AKAP1: variants seen among roughly 807,000 people sequenced by gnomAD.
AKAP1 encodes A-kinase anchoring protein 1.
A neutral mutation model predicts 79.8 loss-of-function variants in AKAP1; 32 were observed. That is an observed-to-expected ratio of 0.40 (90% CI 0.30 to 0.54). AKAP1 has a LOEUF of 0.54. Ranked by LOEUF, AKAP1 falls within the 20% of genes least tolerant of loss-of-function variation. AKAP1 has a pLI of 0.47. For synonymous variants in AKAP1, 416 were observed against 466.7 expected, an observed-to-expected ratio of 0.89 and a Z score of 1.40; for missense variants, 961 against 1,138.9, an observed-to-expected ratio of 0.84 and a Z score of 2.25.
chr17:57,113,071 T>G (rs1286002656), intron 5 of AKAP1, among the ~76,000 whole-genome samples: 4 of 152,188 alleles, frequency 2.6e-5, no homozygotes, highest in African/African-American at 9.7e-5. Context: ...CTCCTTCCCC[T>G]TCCCCTCCCC....
rs560281302 is a variant in AKAP1, at chr17:57,115,641, C to T, written c.2282-470C>T. Among the ~76,000 whole-genome samples the T allele has an allele frequency of 5.4e-4, 82 of 152,306 alleles. 1 individual carries two copies. Among genetic ancestry groups the T allele is most frequent in the African/African-American group, 1.9e-3 (80 of 41,568 alleles). ...AAGAAGGGGGTTTAGGCCCAGGAGG[C>T]CCCTTCTGGTCAAGCTCTCCAGCTG... On this transcript the variant is annotated intron_variant, in intron 6 of 10. Coordinates refer to ENST00000337714, the MANE Select transcript of AKAP1 (RefSeq NM_003488.4).
In AKAP1 at chr17:57,105,988, C is replaced by T. The variant is rs1158570769; in HGVS notation, c.524C>T (p.Pro175Leu). The T allele has an allele frequency of 3.7e-6, 6 of 1,613,986 alleles. No individual in the cohort carries two copies. Among genetic ancestry groups the T allele is most frequent in the Non-Finnish European group, 5.1e-6 (6 of 1,180,046 alleles). The change falls in exon 2 of 11, where the codon CCA (proline) becomes CTA (leucine). Residue 175 changes from proline (P) to leucine (L), a missense_variant. This residue lies in a region of AKAP1 where 224 missense variants were observed against 210.2 expected (regional missense o/e 1.07). Coordinates refer to ENST00000337714, the MANE Select transcript of AKAP1 (RefSeq NM_003488.4). ...CAAGATTCCCCCTTCAGCAGGGTGC[C>T]AAGGAAGGTCCAGCCAGGCTACCCC... is the stretch of plus-strand genomic sequence containing the variant. The part of the protein sequence containing the change: ...CKQDSPFSRV[P>L]RKVQPGYPVV...
At chr17:57,095,877 C>A (rs1236652737) in intron 1 of AKAP1, 1 of 152,112 alleles carries the variant, frequency 6.6e-6, no homozygotes, top group Non-Finnish European at 1.5e-5. Flanking sequence ...ATTCCTGGCA[C>A]CTGTGTTGTG....
chr17:57,117,649 C>T (rs1597993128), intron 8 of AKAP1, among the ~76,000 whole-genome samples: 1 of 152,124 alleles, frequency 6.6e-6, no homozygotes, highest in Non-Finnish European at 1.5e-5. Context: ...AGCACTGGGG[C>T]AAGATCTTTG....
intron 1 of AKAP1, among the ~76,000 whole-genome samples, chr17:57,088,405 C>T (rs1344058980): frequency 6.6e-6 from 1 of 152,102 alleles, no homozygotes; most frequent in Non-Finnish European, 1.5e-5. Flanking sequence ...TGAGAGGATG[C>T]CTCTTTCTTG....
In AKAP1 at chr17:57,111,885, C is replaced by G; in HGVS notation, c.1936C>G (p.Leu646Val). ...TGGTGCCAAGATCTACATTTCAACC[C>G]TGCCTTACACCCAGAGCGTCCAGAT... is the stretch of plus-strand genomic sequence containing the variant. The part of the protein sequence containing the change: ...TSGAKIYIST[L>V]PYTQSVQICH... Residue 646 changes from leucine (L) to valine (V), a missense_variant, in exon 4 of 11, where the codon CTG becomes GTG. Coordinates refer to ENST00000337714, the MANE Select transcript of AKAP1 (RefSeq NM_003488.4). 1 of 1,614,128 alleles carries G rather than the reference C, an allele frequency of 6.2e-7. No individual in the cohort carries two copies. The highest frequency in any genetic ancestry group is 8.5e-7 in the Non-Finnish European group (1 of 1,180,010).
chr17:57,104,609 C>T lies in AKAP1; in HGVS notation c.-24-832C>T, dbSNP rs566783701. 3.3e-5 allele frequency among the ~76,000 whole-genome samples: 5 copies of T among 152,360 alleles called. No individual in the cohort carries two copies. The South Asian group carries it at 6.2e-4, about 19-fold the overall frequency. On this transcript the variant is annotated intron_variant, in intron 1 of 10. Coordinates refer to ENST00000337714, the MANE Select transcript of AKAP1 (RefSeq NM_003488.4). ...AGTGGGGCAAAATCACCTAGCAACA[C>T]GATCCACTCTGGAGTGCCCGTTGTT...
intron 2 of AKAP1, among the ~76,000 whole-genome samples, chr17:57,108,994 C>G (rs552431703): frequency 6.6e-6 from 1 of 152,218 alleles, no homozygotes; most frequent in Non-Finnish European, 1.5e-5. Flanking sequence ...GAATCCTGTT[C>G]GAAGCGCCTA....
In AKAP1 at chr17:57,105,998, C is replaced by A. The variant is rs1300263223; in HGVS notation, c.534C>A (p.Val178=). Residue 178 remains valine, a synonymous_variant, in exon 2 of 11, where the codon GTC becomes GTA. Transcript: ENST00000337714. ...CCTTCAGCAGGGTGCCAAGGAAGGT[C>A]CAGCCAGGCTACCCCGTAGTCCCCG... The part of the protein sequence containing the change: ...DSPFSRVPRK[V]QPGYPVVPAE... 1.1e-5 allele frequency: 18 copies of A among 1,613,934 alleles called. No homozygotes were observed. In the South Asian group the frequency reaches 1.8e-4, roughly 16 times the overall value.
At position 57,114,468 on chromosome 17, in the gene AKAP1, C is replaced by G. The variant is rs1450373885; in HGVS notation, c.2113C>G (p.Pro705Ala). 6.2e-7 allele frequency: 1 copy of G among 1,614,048 alleles called. No homozygotes were observed. The highest frequency in any genetic ancestry group is 8.5e-7 in the Non-Finnish European group (1 of 1,180,010). Residue 705 changes from proline (P) to alanine (A), a missense_variant, in exon 6 of 11, where the codon CCT becomes GCT. By Grantham distance (27) the Pro-to-Ala change is conservative (BLOSUM62 -1). Around this residue, in one of 3 missense-constraint regions of AKAP1, gnomAD observed 629 missense variants for 781.1 expected, o/e 0.81. Coordinates refer to ENST00000337714, the MANE Select transcript of AKAP1 (RefSeq NM_003488.4). ...SLPMTSWLML[P>A]DGITVEVIVV... is the part of the protein sequence containing the mutation. ...CCCTTCCCCTCTACAGCTCATGCTG[C>G]CTGATGGCATCACCGTGGAGGTCAT...
chr17:57,088,528 A>G (rs1030944447), intron 1 of AKAP1, among the ~76,000 whole-genome samples: 6 of 152,252 alleles, frequency 3.9e-5, no homozygotes, highest in Non-Finnish European at 7.3e-5. Flanking sequence ...TGGCTGTCAC[A>G]CAAATTCAAA....
intron 1 of AKAP1, chr17:57,095,230 C>G (rs948587824): frequency 3.3e-5 from 5 of 152,084 alleles, no homozygotes; most frequent in African/African-American, 1.2e-4. Flanking sequence ...GGTGCGATCT[C>G]GGCTCACTGC....
intron 5 of AKAP1, among the ~76,000 whole-genome samples, chr17:57,113,776 TGTTTTTA>T (rs1915408163): frequency 6.6e-6 from 1 of 151,866 alleles, no homozygotes; most frequent in Admixed American, 6.6e-5. Flanking sequence ...CTAATTTGTA[TGTTTTTA>T]GTAGAGATGG....
chr17:57,112,724 G>A, intron 5 of AKAP1, 106 bp downstream of exon 5: 1 of 1,447,390 alleles, frequency 6.9e-7, no homozygotes, highest in Non-Finnish European at 9.3e-7. Flanking sequence ...GTGCACATGA[G>A]TGCCTGCGCC....
intron 2 of AKAP1, chr17:57,107,887 C>A: frequency 1.7e-6 from 2 of 1,150,334 alleles, no homozygotes; most frequent in Non-Finnish European, 2.3e-6. Context: ...GAGGCTTGAG[C>A]TTCCTGAGTT....
intron 1 of AKAP1, among the ~76,000 whole-genome samples, chr17:57,104,836 A>C (rs570738513): frequency 2.0e-5 from 3 of 152,352 alleles, no homozygotes; most frequent in African/African-American, 7.2e-5. Flanking sequence ...TGAATCTTCC[A>C]AGTCTGACCT....
chr17:57,111,055 T>C (rs906364915), intron 3 of AKAP1, among the ~76,000 whole-genome samples: 1 of 152,116 alleles, frequency 6.6e-6, no homozygotes, highest in African/African-American at 2.4e-5. Flanking sequence ...TGGGGGGCCC[T>C]GTTATCCGTC....
chr17:57,119,056 C>T lies in AKAP1; in HGVS notation c.2637+12C>T. 6.2e-7 allele frequency: 1 copy of T among 1,612,462 alleles called. No individual in the cohort carries two copies. The highest frequency in any genetic ancestry group is 8.5e-7 in the Non-Finnish European group (1 of 1,178,682). On this transcript the variant is annotated intron_variant, in intron 10 of 10. Transcript: ENST00000337714. Reference sequence around the variant, plus strand: ...TGGTTGGAGATGAAGTAAGTTCTGCCCTTCTTTTCCTTCTGTGTTGCTGGC... The same window carrying T: ...TGGTTGGAGATGAAGTAAGTTCTGCTCTTCTTTTCCTTCTGTGTTGCTGGC...
At chr17:57,116,026 C>T (rs761146843) in intron 6 of AKAP1, 85 bp from the exon 7 acceptor site, 141 of 1,504,156 alleles carry the variant, frequency 9.4e-5, no homozygotes, top group Non-Finnish European at 1.1e-4. Flanking sequence ...TGAGAGGTAA[C>T]GCAGGGAGGT....
Sources: allele counts gnomAD v4.1 joint callset (sites outside exome capture counted in the v4.1 genomes callset), GRCh38; gene constraint gnomAD v4.1.1; regional missense constraint gnomAD v4.1.1; transcripts MANE v1.5; gene names NCBI Gene and HGNC (gene_info 2026-07-23, HGNC 2026-07-21).